Variants in MVB12B observed in about 807,000 individuals in gnomAD.
The protein encoded by MVB12B is multivesicular body subunit 12B.
Under a neutral mutation model 41.6 loss-of-function variants are expected in MVB12B, and 16 were observed. The observed-to-expected ratio is 0.38, with a 90% CI of 0.26 to 0.58. The LOEUF (loss-of-function observed/expected upper bound fraction) is 0.58, where lower values mean the gene tolerates loss of function less well. MVB12B is among the 20% of genes least tolerant of loss of function. The pLI, the probability that MVB12B is intolerant of heterozygous loss-of-function variation, is 0.62. For synonymous variants in MVB12B, 133 were observed against 139.7 expected, an observed-to-expected ratio of 0.95 and a Z score of 0.34; for missense variants, 274 against 380.2, an observed-to-expected ratio of 0.72 and a Z score of 2.32.
chr9:126,490,952 G>A (rs1400625005), intron 9 of MVB12B, among the ~76,000 whole-genome samples: 1 of 152,130 alleles, frequency 6.6e-6, no homozygotes, highest in Non-Finnish European at 1.5e-5. Context: ...ATTTTTTTCA[G>A]TTCCCAAATG....
At chr9:126,498,002 G>A (rs1375338977) in intron 9 of MVB12B, among the ~76,000 whole-genome samples, 11 of 152,322 alleles carry the variant, frequency 7.2e-5, no homozygotes, top group Non-Finnish European at 8.8e-5. Context: ...GGATGGGGCC[G>A]TGGGGCCCTG....
rs755046090 is a variant in MVB12B, at chr9:126,481,347, C to CT, written c.758-13dup. 5.3e-4 allele frequency: 829 copies of CT among 1,577,988 alleles called. 1 individual carries two copies. Among genetic ancestry groups the CT allele is most frequent in the Middle Eastern group, 1.2e-3 (7 of 5,978 alleles). ...CCATCTTCAATACCTTTAATGCCAT[C>CT]TTTTTTTTTCTTCTTTTGCAGCAAT... On this transcript the variant is annotated intron_variant, in intron 7 of 9. Coordinates refer to ENST00000361171, the MANE Select transcript of MVB12B (RefSeq NM_033446.3).
chr9:126,382,194 G>A (rs1050143353), intron 3 of MVB12B, among the ~76,000 whole-genome samples: 1 of 151,600 alleles, frequency 6.6e-6, no homozygotes. Context: ...ACCTGGCCCC[G>A]CAGGCCCAGG....
intron 2 of MVB12B, among the ~76,000 whole-genome samples, chr9:126,350,004 CGTCA>C (rs1384320390): frequency 1.3e-5 from 2 of 152,140 alleles, no homozygotes; most frequent in Non-Finnish European, 1.5e-5. Flanking sequence ...CATTTGTTAT[CGTCA>C]GTATTTTTTT....
At chr9:126,403,950 C>CTTT (rs36030597) in intron 6 of MVB12B, among the ~76,000 whole-genome samples, 10,559 of 104,708 alleles carry the variant, frequency 0.1, 888 homozygotes, top group East Asian at 0.31. Flanking sequence ...TCCTTTAAAT[C>CTTT]TTTTTTTTTT....
intron 2 of MVB12B, among the ~76,000 whole-genome samples, chr9:126,377,873 T>C (rs1020108871): frequency 6.6e-6 from 1 of 152,236 alleles, no homozygotes; most frequent in Non-Finnish European, 1.5e-5. Context: ...CTTGGTTCGC[T>C]GTCAGAGCAG....
At chr9:126,362,192 A>C (rs1057510444) in intron 2 of MVB12B, among the ~76,000 whole-genome samples, 1 of 152,274 alleles carries the variant, frequency 6.6e-6, no homozygotes, top group Middle Eastern at 3.4e-3. Context: ...TTATTAAAGT[A>C]TTTCTTGTTC....
In MVB12B at chr9:126,461,280, T is replaced by C. The variant is rs146188643; in HGVS notation, c.758-20089T>C. ...CTGGTGGCTTCTACGGGGATTGCTC[T>C]CTGTTGTCTTTGAATCACGCTGCTG... On this transcript the variant is annotated intron_variant, in intron 7 of 9. Coordinates refer to ENST00000361171, the MANE Select transcript of MVB12B (RefSeq NM_033446.3). Among the ~76,000 whole-genome samples the C allele has an allele frequency of 2.1e-3, 320 of 152,378 alleles. 1 individual carries two copies. Among genetic ancestry groups the C allele is most frequent in the African/African-American group, 6.8e-3 (281 of 41,598 alleles).
chr9:126,404,020 C>G (rs1339623755), intron 6 of MVB12B, among the ~76,000 whole-genome samples: 1 of 132,920 alleles, frequency 7.5e-6, no homozygotes, highest in Non-Finnish European at 1.5e-5. Flanking sequence ...GTGCTGCTAT[C>G]TCGGCTCACT....
chr9:126,435,606 C>G (rs974970704), intron 7 of MVB12B, among the ~76,000 whole-genome samples: 1 of 151,760 alleles, frequency 6.6e-6, no homozygotes, highest in African/African-American at 2.4e-5. Flanking sequence ...TTCTCTTTGG[C>G]CTTGGCTCCT....
At chr9:126,413,847 T>TGTGTG (rs1264361790) in intron 6 of MVB12B, among the ~76,000 whole-genome samples, 1 of 139,172 alleles carries the variant, frequency 7.2e-6, no homozygotes, top group East Asian at 2.0e-4. Flanking sequence ...TGTGTGTGTG[T>TGTGTG]GTGTGTATAA....
Position 126,395,735 on chromosome 9 carries a change from T to G in MVB12B, c.662+38T>G, listed in dbSNP as rs2119008890. ...CGGGGTGTCTTGCGTTGTCCTGTGG[T>G]CTTAGGTCCCTGCACAACATTTTAG... On this transcript the variant is annotated intron_variant, in intron 6 of 9. Coordinates refer to ENST00000361171, the MANE Select transcript of MVB12B (RefSeq NM_033446.3). The surrounding 1 kb of genome is among the most constrained non-coding windows in gnomAD (Gnocchi z 4.9). 1 of 1,611,138 alleles carries G rather than the reference T, an allele frequency of 6.2e-7. No individual in the cohort carries two copies. Among genetic ancestry groups the G allele is most frequent in the African/African-American group, 1.3e-5 (1 of 74,948 alleles).
intron 9 of MVB12B, among the ~76,000 whole-genome samples, chr9:126,502,542 C>CG (rs904670992): frequency 1.3e-5 from 2 of 150,836 alleles, no homozygotes; most frequent in African/African-American, 5.0e-5. Flanking sequence ...GAAGGTCCCC[C>CG]CACCGGGCAG....
Position 126,396,000 on chromosome 9 carries a change from G to A in MVB12B, c.662+303G>A, listed in dbSNP as rs1425114353. On this transcript the variant is annotated intron_variant, in intron 6 of 9. Coordinates refer to ENST00000361171, the MANE Select transcript of MVB12B (RefSeq NM_033446.3). The surrounding 1 kb of genome is among the most constrained non-coding windows in gnomAD (Gnocchi z 4.9). ...TGCTAGCTACACACAGACACGTGCT[G>A]TATAGCCATGGGGTTGGGATCACTG... The A allele has an allele frequency of 6.0e-6, 7 of 1,160,482 alleles. No homozygotes were observed. The highest frequency in any genetic ancestry group is 1.6e-5 in the African/African-American group (1 of 63,148). 71.9% of individuals were successfully genotyped at this position (1,160,482 alleles called of 1,614,324 possible).
chr9:126,395,251 C>A lies in MVB12B; in HGVS notation c.540-324C>A, dbSNP rs145740870. Among the ~76,000 whole-genome samples, 1 of 152,174 alleles carries A rather than the reference C, an allele frequency of 6.6e-6. No individual in the cohort carries two copies. The highest frequency in any genetic ancestry group is 2.4e-5 in the African/African-American group (1 of 41,440). Reference sequence around the variant, plus strand: ...ACAAAGGACTTGATGTGGATTATCACGTCACACTCCACAAGGAAATGGCAA... The same window carrying A: ...ACAAAGGACTTGATGTGGATTATCAAGTCACACTCCACAAGGAAATGGCAA... On this transcript the variant is annotated intron_variant, in intron 5 of 9. Coordinates refer to ENST00000361171, the MANE Select transcript of MVB12B (RefSeq NM_033446.3). This position sits in a 1 kb window ranked among gnomAD's most constrained non-coding sequence, Gnocchi z 4.9.
rs112703019 is a variant in MVB12B at position 126,392,377 on chromosome 9, G to A, written c.539+182G>A. Among the ~76,000 whole-genome samples the A allele has an allele frequency of 2.8e-4, 42 of 152,282 alleles. No homozygotes were observed. Among genetic ancestry groups the A allele is most frequent in the African/African-American group, 9.6e-4 (40 of 41,568 alleles). On this transcript the variant is annotated intron_variant, in intron 5 of 9. Transcript: ENST00000361171. The surrounding 1 kb of genome is among the most constrained non-coding windows in gnomAD (Gnocchi z 4.8). ...CTGCGGTCTCTCTGAGCCTCGGCTC[G>A]CACTGCTGACTCCACCTTAGGGCCT... is the stretch of plus-strand genomic sequence containing the variant.
In MVB12B at chr9:126,486,721, G is replaced by C. The variant is rs1461914657; in HGVS notation, c.873+2689G>C. On this transcript the variant is annotated intron_variant, in intron 9 of 9. Transcript: ENST00000361171. This position sits in a 1 kb window ranked among gnomAD's most constrained non-coding sequence, Gnocchi z 4.7. ...CCTACCCCAGGCCTCATTCCTCCCT[G>C]TGTCGTGGGGAGAAATGGAGACTCC... 1.3e-5 allele frequency among the ~76,000 whole-genome samples: 2 copies of C among 152,200 alleles called. No homozygotes were observed. The highest frequency in any genetic ancestry group is 4.8e-5 in the African/African-American group (2 of 41,446).
chr9:126,328,275 C>A (rs1829037665), intron 1 of MVB12B, among the ~76,000 whole-genome samples: 1 of 152,072 alleles, frequency 6.6e-6, no homozygotes, highest in Non-Finnish European at 1.5e-5. Flanking sequence ...GGGCTCCAAG[C>A]CCCATGGGAA....
chr9:126,479,428 T>C (rs545163867), intron 7 of MVB12B, among the ~76,000 whole-genome samples: 1 of 152,278 alleles, frequency 6.6e-6, no homozygotes, highest in East Asian at 1.9e-4. Context: ...CCTTTATTCA[T>C]TGCTGAACTT....
Sources: gnomAD v4.1 joint callset for allele counts (sites outside exome capture counted in the v4.1 genomes callset) on GRCh38, gnomAD v4.1.1 for gene constraint, Gnocchi (gnomAD v3.1) non-coding constraint, MANE v1.5 for transcripts, NCBI Gene and HGNC (gene_info 2026-07-23, HGNC 2026-07-21) for gene names.